The following PGM5 variants were observed in gnomAD, a reference collection of about 807,000 sequenced individuals.
PGM5 encodes phosphoglucomutase 5, also known as phosphoglucomutase-like protein 5.
Under a neutral mutation model 59.2 loss-of-function variants are expected in PGM5, and 23 were observed. The ratio of observed to expected loss-of-function variants is 0.39; its 90% confidence interval spans 0.28 to 0.55. The LOEUF (loss-of-function observed/expected upper bound fraction) is 0.55, where lower values mean the gene tolerates loss of function less well. PGM5 is among the 20% of genes least tolerant of loss of function. PGM5 has a pLI of 0.66. For synonymous variants in PGM5, 214 were observed against 286.0 expected, an observed-to-expected ratio of 0.75 and a Z score of 2.54; for missense variants, 574 against 748.3, an observed-to-expected ratio of 0.77 and a Z score of 2.72.
chr9:68,457,821 A>C (rs556503050), intron 6 of PGM5, among the ~76,000 whole-genome samples: 1 of 152,240 alleles, frequency 6.6e-6, no homozygotes, highest in Non-Finnish European at 1.5e-5. Context: ...TTTAAGCTTC[A>C]GTAAGAGGTC....
chr9:68,389,914 C>A (rs1292888448), intron 4 of PGM5, among the ~76,000 whole-genome samples: 1 of 152,080 alleles, frequency 6.6e-6, no homozygotes, highest in Non-Finnish European at 1.5e-5. Context: ...TACTGTCAGT[C>A]TTTTCCATTT....
chr9:68,377,100 T>C (rs1223590583), intron 1 of PGM5, among the ~76,000 whole-genome samples: 2 of 151,614 alleles, frequency 1.3e-5, no homozygotes, highest in Non-Finnish European at 2.9e-5. Context: ...CTAATTTTTG[T>C]ATTTTTAGTA....
intron 10 of PGM5, among the ~76,000 whole-genome samples, chr9:68,524,834 A>C (rs974750331): frequency 1.3e-5 from 2 of 152,214 alleles, no homozygotes; most frequent in African/African-American, 4.8e-5. Flanking sequence ...AGAGGAGCCC[A>C]CTGTATGTTC....
rs1453501417 is a variant in PGM5, at chr9:68,411,727, A to G, written c.1043+19254A>G. On this transcript the variant is annotated intron_variant, in intron 6 of 10. Transcript: ENST00000396396. Reference sequence around the variant, plus strand: ...TTTAGTGACAGAGTCAGATATCCTCAGCAACATTTACAAAACAATGCATGG... The same window carrying G: ...TTTAGTGACAGAGTCAGATATCCTCGGCAACATTTACAAAACAATGCATGG... Among the ~76,000 whole-genome samples, 4 of 152,156 alleles carry G rather than the reference A, an allele frequency of 2.6e-5. No homozygotes were observed. The East Asian group carries it at 5.8e-4, about 22-fold the overall frequency.
intron 10 of PGM5, among the ~76,000 whole-genome samples, chr9:68,502,588 G>A (rs1554688742): frequency 6.6e-6 from 1 of 152,214 alleles, no homozygotes; most frequent in Non-Finnish European, 1.5e-5. Context: ...GTACTTTCAA[G>A]GCAGAATACA....
At chr9:68,435,758 GTTTTC>G (rs1231344785) in intron 6 of PGM5, among the ~76,000 whole-genome samples, 7 of 152,160 alleles carry the variant, frequency 4.6e-5, no homozygotes, top group African/African-American at 9.7e-5. Context: ...GTGAACATGT[GTTTTC>G]TTTTCTCTGT....
chr9:68,438,263 T>C (rs895673919), intron 6 of PGM5, among the ~76,000 whole-genome samples: 19 of 117,362 alleles, frequency 1.6e-4, no homozygotes, highest in East Asian at 2.6e-4. Context: ...CACTCCAGCC[T>C]GGGCGACAGA....
At chr9:68,513,490 G>A (rs142628261) in intron 10 of PGM5, among the ~76,000 whole-genome samples, 102 of 152,298 alleles carry the variant, frequency 6.7e-4, no homozygotes, top group African/African-American at 2.4e-3. Flanking sequence ...GTATGAATAT[G>A]AGCCCTGGTG....
At position 68,501,631 on chromosome 9, in the gene PGM5, A is replaced by G. The variant is rs577915299; in HGVS notation, c.1614+2270A>G. 2.8e-4 allele frequency among the ~76,000 whole-genome samples: 42 copies of G among 152,346 alleles called. 2 individuals are homozygous for G. The South Asian group carries it at 8.3e-3, about 30-fold the overall frequency. ...AAAGACCTGCTTGTGTTGCTTTCTC[A>G]GCTACCAAAAGAACCCCTTCCACCT... On this transcript the variant is annotated intron_variant, in intron 10 of 10. Coordinates refer to ENST00000396396, the MANE Select transcript of PGM5 (RefSeq NM_021965.4).
chr9:68,466,060 G>T, intron 7 of PGM5: 2 of 955,358 alleles, frequency 2.1e-6, no homozygotes, highest in South Asian at 1.6e-5. Flanking sequence ...TTGTCCTTCT[G>T]AGGCTCCAAT....
At chr9:68,403,315 G>T (rs1209149699) in intron 6 of PGM5, among the ~76,000 whole-genome samples, 26 of 152,184 alleles carry the variant, frequency 1.7e-4, no homozygotes, top group Non-Finnish European at 1.9e-4. Flanking sequence ...AGGAAAACAA[G>T]CTCAGGACTC....
intron 1 of PGM5, among the ~76,000 whole-genome samples, chr9:68,376,786 T>TTTCC (rs1563984630): frequency 6.0e-5 from 6 of 100,502 alleles, no homozygotes; most frequent in Non-Finnish European, 1.2e-4. Flanking sequence ...TCTTTCTTTC[T>TTTCC]TTCTTTCTTT....
At chr9:68,491,827 C>T (rs146614863) in intron 9 of PGM5, among the ~76,000 whole-genome samples, 13 of 152,020 alleles carry the variant, frequency 8.6e-5, no homozygotes, top group Admixed American at 5.9e-4. Flanking sequence ...CACAGCGAGA[C>T]CTCATCTCAA....
At chr9:68,500,601 G>A (rs184788235) in intron 10 of PGM5, among the ~76,000 whole-genome samples, 102 of 152,244 alleles carry the variant, frequency 6.7e-4, no homozygotes, top group Admixed American at 2.1e-3. Flanking sequence ...TGGTTAGTGC[G>A]TACATTTCTC....
chr9:68,510,146 A>ATT (rs10580007), intron 10 of PGM5, among the ~76,000 whole-genome samples: 119 of 86,832 alleles, frequency 1.4e-3, no homozygotes, highest in Non-Finnish European at 1.8e-3. Flanking sequence ...TGAAATCAGC[A>ATT]TTTTTTTTTT....
chr9:68,502,537 A>G (rs1237799124), intron 10 of PGM5, among the ~76,000 whole-genome samples: 1 of 152,230 alleles, frequency 6.6e-6, no homozygotes, highest in African/African-American at 2.4e-5. Flanking sequence ...GGAAAATCAC[A>G]GACTGATAAT....
At position 68,499,312 on chromosome 9, in the gene PGM5, A is replaced by G. The variant is rs1554688424; in HGVS notation, c.1565A>G (p.Tyr522Cys). ...SSGVRATLRL[Y>C]AESYERDPSG... ...GGTGTGCGGGCCACCCTCAGACTGT[A>G]CGCAGAGAGCTACGAGAGGGATCCC... Residue 522 changes from tyrosine to cysteine, a missense_variant, in exon 10 of 11, where the codon TAC (tyrosine) becomes TGC (cysteine). Physicochemically the swap from Tyr to Cys is radical, Grantham distance 194. Around this residue, in one of 7 missense-constraint regions of PGM5, gnomAD observed 300 missense variants for 280.0 expected, o/e 1.07. Coordinates refer to ENST00000396396, the MANE Select transcript of PGM5 (RefSeq NM_021965.4). 2 of 1,614,134 alleles carry G rather than the reference A, an allele frequency of 1.2e-6. No individual in the cohort carries two copies. Among genetic ancestry groups the G allele is most frequent in the Admixed American group, 3.3e-5 (2 of 60,030 alleles).
intron 9 of PGM5, among the ~76,000 whole-genome samples, chr9:68,489,845 A>C (rs1330577106): frequency 6.6e-6 from 1 of 152,166 alleles, no homozygotes; most frequent in Non-Finnish European, 1.5e-5. Context: ...AATGCATACC[A>C]GTTAGGTGAT....
chr9:68,370,628 A>G (rs1821672174), intron 1 of PGM5, among the ~76,000 whole-genome samples: 1 of 152,244 alleles, frequency 6.6e-6, no homozygotes, highest in Admixed American at 6.5e-5. Flanking sequence ...AAATGCTGGG[A>G]GAAAGCTTTT....
Sources: allele counts gnomAD v4.1 joint callset (sites outside exome capture counted in the v4.1 genomes callset), GRCh38; gene constraint gnomAD v4.1.1; regional missense constraint gnomAD v4.1.1; transcripts MANE v1.5; gene names NCBI Gene and HGNC (gene_info 2026-07-23, HGNC 2026-07-21).